Variants in KMT2C observed in about 807,000 individuals in gnomAD.
KMT2C encodes histone-lysine N-methyltransferase 2C.
In KMT2C, 88 loss-of-function variants were observed where a neutral mutation model predicts 507.9. That is an observed-to-expected ratio of 0.17 (90% CI 0.15 to 0.21). KMT2C has a LOEUF of 0.21. Ranked by LOEUF, KMT2C falls within the 10% of genes least tolerant of loss-of-function variation. KMT2C has a pLI of 1.00. For synonymous variants in KMT2C, 2,049 were observed against 2,080.8 expected, an observed-to-expected ratio of 0.98 and a Z score of 0.42; for missense variants, 4,954 against 5,957.8, an observed-to-expected ratio of 0.83 and a Z score of 5.55.
intron 6 of KMT2C, among the ~76,000 whole-genome samples, chr7:152,303,242 G>C (rs772810424): frequency 2.0e-5 from 3 of 152,174 alleles, no homozygotes; most frequent in African/African-American, 4.8e-5. Flanking sequence ...GTTAACAACC[G>C]AGGAAATTAC....
At chr7:152,142,430 A>C (rs553173751) in intron 55 of KMT2C, among the ~76,000 whole-genome samples, 2 of 152,364 alleles carry the variant, frequency 1.3e-5, no homozygotes, top group Admixed American at 6.5e-5. Context: ...CAGACCAACT[A>C]AACAAAAAAA....
intron 1 of KMT2C, among the ~76,000 whole-genome samples, chr7:152,373,414 T>C (rs1464041346): frequency 6.6e-6 from 1 of 152,142 alleles, no homozygotes; most frequent in African/African-American, 2.4e-5. Flanking sequence ...ATGGATTCAA[T>C]AACAAATATT....
chr7:152,257,865 GCACACACA>G (rs113752747), intron 9 of KMT2C, among the ~76,000 whole-genome samples: 4 of 147,218 alleles, frequency 2.7e-5, no homozygotes, highest in African/African-American at 4.9e-5. Flanking sequence ...ACACACACAC[GCACACACA>G]CACACACACA....
Position 152,169,339 on chromosome 7 carries a change from T to C in KMT2C, c.9454-90A>G, listed in dbSNP as rs1587878546. 5 of 745,800 alleles carry C rather than the reference T, an allele frequency of 6.7e-6. No homozygotes were observed. In the East Asian group the frequency reaches 7.8e-5, roughly 12 times the overall value. 46.2% of individuals were successfully genotyped at this position (745,800 alleles called of 1,614,324 possible). A position where few individuals can be genotyped will look rare whatever the true frequency, so the allele number is the denominator to read the frequency against. Reference sequence around the variant, plus strand: ...TAAAAGAAAGAAAGAAAAAAAGAAATGGAAGAAAAAACCCTTTAATTTCCT... The same window carrying C: ...TAAAAGAAAGAAAGAAAAAAAGAAACGGAAGAAAAAACCCTTTAATTTCCT... On this transcript the variant is annotated intron_variant, in intron 40 of 58. Coordinates refer to ENST00000262189, the MANE Select transcript of KMT2C (RefSeq NM_170606.3).
chr7:152,230,111 T>C (rs2095063089), intron 17 of KMT2C, 84 bp from the exon 18 acceptor site: 1 of 886,388 alleles, frequency 1.1e-6, no homozygotes, highest in African/African-American at 1.7e-5. Context: ...CCTTCTTAAC[T>C]AATATAGCTC....
At chr7:152,372,186 C>CA (rs2097297959) in intron 1 of KMT2C, among the ~76,000 whole-genome samples, 2 of 152,142 alleles carry the variant, frequency 1.3e-5, no homozygotes, top group African/African-American at 4.8e-5. Context: ...GACGGAGTCT[C>CA]ACTCTGTCGC....
At chr7:152,315,478 T>A (rs1362927766) in intron 3 of KMT2C, 140 bp from the exon 4 acceptor site, 1 of 609,824 alleles carries the variant, frequency 1.6e-6, no homozygotes, top group East Asian at 2.7e-5. Flanking sequence ...CTACAGTCTA[T>A]TCAGTGATTA....
In KMT2C at chr7:152,431,837, T is replaced by C. The variant is rs574092264; in HGVS notation, c.161+3789A>G. ...CTGTCATAAAAATTACAAATTTGCA[T>C]TATCTCAAAAAGCATGAATAATAGT... On this transcript the variant is annotated intron_variant, in intron 1 of 58. Coordinates refer to ENST00000262189, the MANE Select transcript of KMT2C (RefSeq NM_170606.3). Among the ~76,000 whole-genome samples, 8 of 152,304 alleles carry C rather than the reference T, an allele frequency of 5.3e-5. No homozygotes were observed. In the South Asian group the frequency reaches 1.7e-3, roughly 32 times the overall value.
chr7:152,349,943 T>C (rs939993929), intron 2 of KMT2C, among the ~76,000 whole-genome samples: 4 of 152,120 alleles, frequency 2.6e-5, no homozygotes, highest in African/African-American at 7.2e-5. Context: ...AAACCTAAAA[T>C]TGCTCTGAAA....
At chr7:152,222,220 A>G (rs2094796001) in intron 21 of KMT2C, among the ~76,000 whole-genome samples, 154 bp from the exon 22 acceptor site, 1 of 152,252 alleles carries the variant, frequency 6.6e-6, no homozygotes, top group African/African-American at 2.4e-5. Context: ...AAGCAACAAC[A>G]AAACAAGAAG....
At chr7:152,278,649 G>A (rs2096136468) in intron 6 of KMT2C, among the ~76,000 whole-genome samples, 1 of 151,798 alleles carries the variant, frequency 6.6e-6, no homozygotes, top group Non-Finnish European at 1.5e-5. Flanking sequence ...AGACTTGAGG[G>A]GAAAAAACAC....
intron 6 of KMT2C, among the ~76,000 whole-genome samples, chr7:152,305,724 T>C (rs1467129679): frequency 6.6e-6 from 1 of 152,194 alleles, no homozygotes; most frequent in Non-Finnish European, 1.5e-5. Flanking sequence ...GTCCAGTTCT[T>C]AGGAGCTCCT....
At position 152,255,122 on chromosome 7, in the gene KMT2C, T is replaced by TATATATATATATAC. The variant is rs1588628623; in HGVS notation, c.1300-2408_1300-2407insGTATATATATATAT. 2.7e-5 allele frequency among the ~76,000 whole-genome samples: 3 copies of TATATATATATATAC among 111,572 alleles called. No individual in the cohort carries two copies. The East Asian group carries it at 6.8e-4, about 25-fold the overall frequency. 73.2% of individuals were successfully genotyped at this position (111,572 alleles called of 152,430 possible). The stretch of plus-strand genomic sequence containing the variant: ...ATCAACTCTCACTTATATATATATA[T>TATATATATATATAC]ATATATATATATATATATATATACA... On this transcript the variant is annotated intron_variant, in intron 9 of 58. Transcript: ENST00000262189.
intron 31 of KMT2C, among the ~76,000 whole-genome samples, chr7:152,188,712 A>T (rs2093701720): frequency 6.8e-6 from 1 of 147,180 alleles, no homozygotes; most frequent in African/African-American, 2.6e-5. Context: ...TCCCAGGTTC[A>T]AGCAATTCTG....
chr7:152,238,695 A>C lies in KMT2C; in HGVS notation c.2652+12T>G. On this transcript the variant is annotated intron_variant, in intron 15 of 58. Coordinates refer to ENST00000262189, the MANE Select transcript of KMT2C (RefSeq NM_170606.3). ...AGAAATGATATATGAATGTAAATGC[A>C]ATTTTATTTACCACTTTGATGCTCC... 3 of 1,599,146 alleles carry C rather than the reference A, an allele frequency of 1.9e-6. No homozygotes were observed. The highest frequency in any genetic ancestry group is 2.6e-6 in the Non-Finnish European group (3 of 1,176,152).
chr7:152,308,436 G>A (rs1012432118), intron 6 of KMT2C, among the ~76,000 whole-genome samples: 1 of 151,880 alleles, frequency 6.6e-6, no homozygotes, highest in African/African-American at 2.4e-5. Flanking sequence ...AGCACGTCAG[G>A]AGGCCAAGGC....
intron 23 of KMT2C, among the ~76,000 whole-genome samples, chr7:152,214,096 G>A (rs1176568320): frequency 2.6e-5 from 4 of 151,648 alleles, no homozygotes; most frequent in Admixed American, 6.6e-5. Flanking sequence ...TGTAGAAAAC[G>A]AAACCTTTGT....
At position 152,290,278 on chromosome 7, in the gene KMT2C, ATATATATATATATATATTTTTTTTTTT is replaced by A. The variant is rs1490940255; in HGVS notation, c.850-16438_850-16412del. On this transcript the variant is annotated intron_variant, in intron 6 of 58. Coordinates refer to ENST00000262189, the MANE Select transcript of KMT2C (RefSeq NM_170606.3). ...TATGTGTATATATATATATATATAT[ATATATATATATATATATTTTTTTTTTT>A]TTTTTTTTTTTTTTTTTTTGTCTGA... 7.9e-3 allele frequency among the ~76,000 whole-genome samples: 232 copies of A among 29,324 alleles called. 2 individuals carry two copies. The highest frequency in any genetic ancestry group is 0.036 in the African/African-American group (223 of 6,236). 19.2% of individuals were successfully genotyped at this position (29,324 alleles called of 152,430 possible).
In KMT2C at chr7:152,366,906, C is replaced by G. The variant is rs572924247; in HGVS notation, c.162-8231G>C. 17 of 432,988 alleles carry G rather than the reference C, an allele frequency of 3.9e-5. No individual in the cohort carries two copies. In the East Asian group the frequency reaches 8.4e-4, roughly 21 times the overall value. 26.8% of individuals were successfully genotyped at this position (432,988 alleles called of 1,614,324 possible). ...GGGCCAGACGCGGCGCGAGCTGGCG[C>G]TGCGAGCCAACGGGCCGGCGCCTGG... is the stretch of plus-strand genomic sequence containing the variant. On this transcript the variant is annotated intron_variant, in intron 1 of 58. Transcript: ENST00000262189.
Sources: gnomAD v4.1 joint callset for allele counts (sites outside exome capture counted in the v4.1 genomes callset) on GRCh38, gnomAD v4.1.1 for gene constraint, MANE v1.5 for transcripts, NCBI Gene and HGNC (gene_info 2026-07-23, HGNC 2026-07-21) for gene names.